CNTNAP2: variants seen among roughly 807,000 people sequenced by gnomAD.
CNTNAP2 encodes the protein contactin associated protein 2.
A neutral mutation model predicts 155.2 loss-of-function variants in CNTNAP2; 98 were observed. The observed-to-expected ratio is 0.63, with a 90% CI of 0.54 to 0.75. The LOEUF is 0.75. CNTNAP2 is among the 30% of genes least tolerant of loss of function. The probability of loss-of-function intolerance (pLI) is 0.00; values close to 1 mark genes in which losing one functional copy is unlikely to be tolerated. For synonymous variants in CNTNAP2, 651 were observed against 631.2 expected (o/e 1.03, Z -0.47); for missense variants, 1,727 against 1,688.1 (o/e 1.02, Z -0.40).
chr7:146,159,150 A>T (rs1798176599), intron 1 of CNTNAP2, among the ~76,000 whole-genome samples: 1 of 152,204 alleles, frequency 6.6e-6, no homozygotes, highest in Non-Finnish European at 1.5e-5. Context: ...AAGCTTCATA[A>T]GTGAAGGAGA....
At chr7:146,364,965 A>G (rs902440006) in intron 1 of CNTNAP2, among the ~76,000 whole-genome samples, 1 of 152,162 alleles carries the variant, frequency 6.6e-6, no homozygotes, top group Non-Finnish European at 1.5e-5. Context: ...TTTTTTTCTT[A>G]TAAATGGTTG....
chr7:146,130,991 G>A (rs1230230384), intron 1 of CNTNAP2, among the ~76,000 whole-genome samples: 2 of 152,162 alleles, frequency 1.3e-5, no homozygotes, highest in Non-Finnish European at 2.9e-5. Context: ...GGGATTAAGA[G>A]GGTTACAATT....
At chr7:148,080,143 T>TG (rs1255915579) in intron 15 of CNTNAP2, among the ~76,000 whole-genome samples, 3 of 152,184 alleles carry the variant, frequency 2.0e-5, no homozygotes, top group African/African-American at 7.2e-5. Flanking sequence ...GATGACATAG[T>TG]GGGGAGCCTG....
intron 1 of CNTNAP2, among the ~76,000 whole-genome samples, chr7:146,480,873 A>G (rs1029144315): frequency 3.3e-5 from 5 of 151,400 alleles, no homozygotes; most frequent in Non-Finnish European, 7.4e-5. Flanking sequence ...CAGTAGAGAC[A>G]GGGTTTCACT....
chr7:147,080,321 T>C (rs1194666209), intron 4 of CNTNAP2, among the ~76,000 whole-genome samples: 1 of 152,192 alleles, frequency 6.6e-6, no homozygotes, highest in African/African-American at 2.4e-5. Flanking sequence ...CTAAATTACA[T>C]GGATTCCTTT....
chr7:147,180,146 T>G (rs1391766619), intron 8 of CNTNAP2, among the ~76,000 whole-genome samples: 1 of 152,126 alleles, frequency 6.6e-6, no homozygotes. Flanking sequence ...CTCACAAGAC[T>G]CCAGCTGCCA....
chr7:146,749,850 T>C (rs529519157), intron 1 of CNTNAP2, among the ~76,000 whole-genome samples: 1 of 152,302 alleles, frequency 6.6e-6, no homozygotes, highest in East Asian at 1.9e-4. Context: ...CAGAAGAGCC[T>C]TGGGGTTAGA....
chr7:146,552,769 T>C (rs374645935), intron 1 of CNTNAP2, among the ~76,000 whole-genome samples: 1 of 152,208 alleles, frequency 6.6e-6, no homozygotes. Flanking sequence ...TTTAGTCACA[T>C]GGTCCCCTTG....
intron 2 of CNTNAP2, among the ~76,000 whole-genome samples, chr7:146,808,810 T>A (rs1404289034): frequency 6.6e-6 from 1 of 152,224 alleles, no homozygotes; most frequent in African/African-American, 2.4e-5. Flanking sequence ...GTATTTTTCT[T>A]TGTTTATCAA....
At chr7:148,201,424 C>T (rs1284795233) in intron 18 of CNTNAP2, among the ~76,000 whole-genome samples, 1 of 152,190 alleles carries the variant, frequency 6.6e-6, no homozygotes, top group Non-Finnish European at 1.5e-5. Context: ...TAATATTGCT[C>T]AGCTCATTAG....
Position 147,756,620 on chromosome 7 carries a change from T to C in CNTNAP2, c.2098+117314T>C, listed in dbSNP as rs1358080375. ...TAAAAACAGATTTAAAAAGTAATCCTGAAGGGGAACTTTTAAGAAAAAAAT... is the reference window on the plus strand; with the variant it reads ...TAAAAACAGATTTAAAAAGTAATCCCGAAGGGGAACTTTTAAGAAAAAAAT... On this transcript the variant is annotated intron_variant, in intron 13 of 23. Transcript: ENST00000361727. 2.0e-5 allele frequency among the ~76,000 whole-genome samples: 3 copies of C among 152,146 alleles called. No individual in the cohort carries two copies. In the South Asian group the frequency reaches 6.2e-4, roughly 31 times the overall value.
intron 3 of CNTNAP2, among the ~76,000 whole-genome samples, chr7:146,860,005 T>G (rs12703844): frequency 0.25 from 38,254 of 152,106 alleles, 5,003 homozygotes; most frequent in Non-Finnish European, 0.29. Context: ...GAGATTACCT[T>G]TAGAGGTGGG....
chr7:147,668,814 G>A (rs576347528), intron 13 of CNTNAP2, among the ~76,000 whole-genome samples: 2 of 152,014 alleles, frequency 1.3e-5, no homozygotes, highest in Non-Finnish European at 2.9e-5. Context: ...ATTTAGTGTG[G>A]CCTAAGTGTC....
chr7:146,754,857 G>C (rs1017973675), intron 1 of CNTNAP2, among the ~76,000 whole-genome samples: 15 of 151,804 alleles, frequency 9.9e-5, no homozygotes, highest in Non-Finnish European at 2.1e-4. Context: ...CTATTTTCCT[G>C]TTTCTTCCTT....
intron 13 of CNTNAP2, among the ~76,000 whole-genome samples, chr7:147,680,381 G>T (rs562718638): frequency 2.9e-4 from 44 of 151,986 alleles, no homozygotes; most frequent in Non-Finnish European, 5.5e-4. Context: ...TTTCTTGGAG[G>T]TGGTAGTTTT....
intron 12 of CNTNAP2, among the ~76,000 whole-genome samples, chr7:147,636,330 A>G (rs113301007): frequency 2.0e-4 from 30 of 152,332 alleles, no homozygotes; most frequent in Non-Finnish European, 4.3e-4. Flanking sequence ...ACTTGTCTAG[A>G]GTCTCACAGG....
At chr7:147,860,775 T>A (rs1002588772) in intron 13 of CNTNAP2, among the ~76,000 whole-genome samples, 6 of 152,098 alleles carry the variant, frequency 3.9e-5, no homozygotes, top group African/African-American at 1.2e-4. Context: ...GAGTCTCAGG[T>A]CATTCATGGC....
At chr7:148,011,860 T>A (rs926984003) in intron 15 of CNTNAP2, among the ~76,000 whole-genome samples, 5 of 152,174 alleles carry the variant, frequency 3.3e-5, no homozygotes, top group Admixed American at 1.3e-4. Context: ...TGGCCAGTAG[T>A]CAGCTGTGTT....
intron 10 of CNTNAP2, among the ~76,000 whole-genome samples, chr7:147,408,031 T>TCATTTATC (rs1179850166): frequency 6.6e-6 from 1 of 152,256 alleles, no homozygotes; most frequent in Non-Finnish European, 1.5e-5. Flanking sequence ...TTTCATTTAT[T>TCATTTATC]CATTTATCCA....
Sources: gnomAD v4.1 joint callset for allele counts (sites outside exome capture counted in the v4.1 genomes callset) on GRCh38, gnomAD v4.1.1 for gene constraint, MANE v1.5 for transcripts, NCBI Gene and HGNC (gene_info 2026-07-23, HGNC 2026-07-21) for gene names.